The following LRP1B variants were observed in gnomAD, a reference collection of about 807,000 sequenced individuals.
LRP1B encodes the protein low-density lipoprotein receptor-related protein 1B.
In LRP1B, 217 loss-of-function variants were observed where a neutral mutation model predicts 556.6. The ratio of observed to expected loss-of-function variants is 0.39; its 90% CI spans 0.35 to 0.44. The LOEUF (loss-of-function observed/expected upper bound fraction) is 0.44. Among genes scored for constraint, LRP1B ranks in the 20% least tolerant of loss-of-function variants. LRP1B has a pLI of 1.00. For missense variants in LRP1B, 5,053 were observed against 5,620.8 expected (o/e 0.90, Z 3.23); for synonymous variants, 2,047 against 1,865.8 (o/e 1.10, Z -2.50).
intron 89 of LRP1B, among the ~76,000 whole-genome samples, chr2:140,236,919 G>T (rs1238127257): frequency 6.6e-6 from 1 of 150,650 alleles, no homozygotes; most frequent in East Asian, 2.0e-4. Context: ...ACATATTTAT[G>T]AGATACTGTG....
chr2:141,279,843 G>T (rs1685445332), intron 3 of LRP1B, among the ~76,000 whole-genome samples: 1 of 152,004 alleles, frequency 6.6e-6, no homozygotes. Flanking sequence ...AATACAATAG[G>T]TTGTTTTCAA....
intron 3 of LRP1B, among the ~76,000 whole-genome samples, chr2:141,463,874 A>T (rs919311025): frequency 3.1e-4 from 26 of 83,532 alleles, no homozygotes; most frequent in African/African-American, 7.4e-4. Context: ...TATATAATAT[A>T]TATCATTTTA....
chr2:141,213,578 C>G (rs1341153775), intron 6 of LRP1B, among the ~76,000 whole-genome samples: 1 of 152,154 alleles, frequency 6.6e-6, no homozygotes, highest in Non-Finnish European at 1.5e-5. Context: ...AGAGAATGTA[C>G]AAACTCCACA....
At chr2:141,220,631 A>C (rs1423221497) in intron 6 of LRP1B, among the ~76,000 whole-genome samples, 1 of 151,726 alleles carries the variant, frequency 6.6e-6, no homozygotes, top group African/African-American at 2.4e-5. Flanking sequence ...GGAAAAAAAA[A>C]AAAAAAGAAA....
chr2:141,039,425 A>G (rs1241795011), intron 11 of LRP1B, among the ~76,000 whole-genome samples: 1 of 152,046 alleles, frequency 6.6e-6, no homozygotes, highest in Non-Finnish European at 1.5e-5. Context: ...GTATATATAG[A>G]GTTCAACACT....
At chr2:141,776,897 A>AT (rs773216753) in intron 2 of LRP1B, among the ~76,000 whole-genome samples, 9 of 152,136 alleles carry the variant, frequency 5.9e-5, no homozygotes, top group African/African-American at 1.7e-4. Flanking sequence ...ACCACCACAT[A>AT]TTTTTTTAAA....
chr2:141,718,522 A>C (rs1454615657), intron 2 of LRP1B, among the ~76,000 whole-genome samples: 1 of 152,142 alleles, frequency 6.6e-6, no homozygotes, highest in African/African-American at 2.4e-5. Context: ...TGAAGATTTT[A>C]TTGGTACTCT....
intron 3 of LRP1B, among the ~76,000 whole-genome samples, chr2:141,376,749 T>C (rs1689453341): frequency 6.6e-6 from 1 of 152,120 alleles, no homozygotes; most frequent in Non-Finnish European, 1.5e-5. Context: ...AAGAAAGAAA[T>C]AACACATTAT....
intron 21 of LRP1B, among the ~76,000 whole-genome samples, chr2:140,912,749 ATC>A (rs1159168193): frequency 4.0e-5 from 6 of 151,742 alleles, no homozygotes; most frequent in Non-Finnish European, 8.9e-5. Context: ...TTTAAAAAAA[ATC>A]CCCAAAACCC....
intron 7 of LRP1B, among the ~76,000 whole-genome samples, chr2:141,113,435 G>T (rs181270157): frequency 3.7e-4 from 57 of 152,172 alleles, no homozygotes; most frequent in African/African-American, 1.4e-3. Flanking sequence ...GCTGAATAAA[G>T]GTTCTTTTAA....
At chr2:142,121,923 C>T (rs184331101) in intron 1 of LRP1B, among the ~76,000 whole-genome samples, 14 of 151,914 alleles carry the variant, frequency 9.2e-5, no homozygotes, top group Admixed American at 5.2e-4. Flanking sequence ...GAATGAAAAG[C>T]GAAGGTATGC....
At chr2:141,630,581 T>C (rs355594) in intron 2 of LRP1B, among the ~76,000 whole-genome samples, 5,314 of 152,240 alleles carry the variant, frequency 0.035, 324 homozygotes, top group African/African-American at 0.12. Flanking sequence ...CTATAGTGAG[T>C]CATGCTGTAA....
At chr2:141,942,368 T>C (rs1700834416) in intron 1 of LRP1B, among the ~76,000 whole-genome samples, 1 of 135,810 alleles carries the variant, frequency 7.4e-6, no homozygotes, top group Non-Finnish European at 1.6e-5. Flanking sequence ...ATTGGTAAAT[T>C]ATGCATTTAC....
intron 7 of LRP1B, among the ~76,000 whole-genome samples, chr2:141,112,899 T>C (rs1396616034): frequency 6.6e-6 from 1 of 152,172 alleles, no homozygotes; most frequent in Non-Finnish European, 1.5e-5. Flanking sequence ...TGGAAAAATA[T>C]TTTTTTAAAA....
At chr2:141,978,489 T>C (rs1344469781) in intron 1 of LRP1B, among the ~76,000 whole-genome samples, 6 of 152,162 alleles carry the variant, frequency 3.9e-5, no homozygotes, top group Admixed American at 3.3e-4. Flanking sequence ...AGCTTATATT[T>C]CTTCAAATAA....
intron 14 of LRP1B, among the ~76,000 whole-genome samples, chr2:141,009,084 C>T (rs2105378705): frequency 6.6e-6 from 1 of 151,984 alleles, no homozygotes; most frequent in Non-Finnish European, 1.5e-5. Flanking sequence ...AAAGAAACCT[C>T]CTTTTCTATA....
At chr2:141,421,558 A>G (rs1680146305) in intron 3 of LRP1B, among the ~76,000 whole-genome samples, 1 of 151,956 alleles carries the variant, frequency 6.6e-6, no homozygotes, top group South Asian at 2.1e-4. Context: ...TACCTCTTTC[A>G]TATGTATTAA....
At chr2:141,784,536 CTG>C (rs1455807708) in intron 2 of LRP1B, among the ~76,000 whole-genome samples, 3 of 151,786 alleles carry the variant, frequency 2.0e-5, no homozygotes, top group Non-Finnish European at 4.4e-5. Context: ...GTTTTTGAAA[CTG>C]TTATCTTTGA....
At chr2:140,592,794 G>C (rs1682280043) in intron 43 of LRP1B, among the ~76,000 whole-genome samples, 1 of 152,052 alleles carries the variant, frequency 6.6e-6, no homozygotes, top group Non-Finnish European at 1.5e-5. Context: ...TAAAAAATTA[G>C]CCAAGTATGG....
Sources: allele counts gnomAD v4.1 joint callset (sites outside exome capture counted in the v4.1 genomes callset), GRCh38; gene constraint gnomAD v4.1.1; transcripts MANE v1.5; gene names NCBI Gene and HGNC (gene_info 2026-07-23, HGNC 2026-07-21).